FASTKD1: variants seen among roughly 807,000 people sequenced by gnomAD.
The protein encoded by FASTKD1 is FAST kinase domain-containing protein 1, mitochondrial.
In FASTKD1, 94 loss-of-function variants were observed where a neutral mutation model predicts 90.9. That is an observed-to-expected ratio of 1.03 (90% CI 0.88 to 1.23). FASTKD1 has a LOEUF of 1.23. FASTKD1 is among the 50% of genes most tolerant of loss of function. The pLI, the probability that FASTKD1 is intolerant of heterozygous loss-of-function variation, is 0.00. For missense variants in FASTKD1, 945 were observed against 993.5 expected, an observed-to-expected ratio of 0.95 and a Z score of 0.66; for synonymous variants, 319 against 345.8, an observed-to-expected ratio of 0.92 and a Z score of 0.86.
intron 5 of FASTKD1, 197 bp downstream of exon 5, chr2:169,560,190 A>G: frequency 2.8e-6 from 1 of 354,936 alleles, no homozygotes; most frequent in Non-Finnish European, 5.1e-6. Flanking sequence ...CTTTCAGAAC[A>G]CAGCAACAGA....
chr2:169,531,019 T>C lies in FASTKD1; in HGVS notation c.2328-318A>G, dbSNP rs769844505. 6 of 663,314 alleles carry C rather than the reference T, an allele frequency of 9.0e-6. No homozygotes were observed. In the East Asian group the frequency reaches 1.3e-4, roughly 14 times the overall value. The allele number at this position is 663,314 out of a possible 1,614,324, so 41.1% of individuals were successfully genotyped here. On this transcript the variant is annotated intron_variant, in intron 13 of 14. Transcript: ENST00000453153. ...AGCTTATAGTCTAACAGAGAACACATGATGTATAGTAAGTTACTGTAATGC... is the reference window on the plus strand; with the variant it reads ...AGCTTATAGTCTAACAGAGAACACACGATGTATAGTAAGTTACTGTAATGC...
intron 3 of FASTKD1, among the ~76,000 whole-genome samples, chr2:169,568,091 A>G (rs1684063550): frequency 2.0e-5 from 3 of 152,176 alleles, no homozygotes; most frequent in African/African-American, 7.2e-5. Context: ...AATATAGGAA[A>G]TATATCTGAA....
At chr2:169,560,836 A>C (rs755701602) in intron 4 of FASTKD1, 51 bp from the exon 5 acceptor site, 1 of 755,062 alleles carries the variant, frequency 1.3e-6, no homozygotes, top group Non-Finnish European at 1.8e-6. Context: ...AGAATGATCA[A>C]TTCTTTTTTT....
At chr2:169,569,800 G>A (rs1057020855) in intron 2 of FASTKD1, among the ~76,000 whole-genome samples, 3 of 152,176 alleles carry the variant, frequency 2.0e-5, no homozygotes, top group African/African-American at 7.2e-5. Flanking sequence ...GCAGAGAGCC[G>A]AGACTGCACC....
In FASTKD1 at chr2:169,566,573, G is replaced by A. The variant is rs564377307; in HGVS notation, c.446+2611C>T. Among the ~76,000 whole-genome samples the A allele has an allele frequency of 1.4e-4, 22 of 152,184 alleles. No individual in the cohort carries two copies. The South Asian group carries it at 4.2e-3, about 29-fold the overall frequency. The stretch of plus-strand genomic sequence containing the variant: ...CTAAAAATATAAAAATTAGCTGGGC[G>A]TGGTGGCATCCACCTGTGGTCCCAG... On this transcript the variant is annotated intron_variant, in intron 3 of 14. Transcript: ENST00000453153.
At chr2:169,572,813 A>G (rs1316588865) in intron 1 of FASTKD1, among the ~76,000 whole-genome samples, 1 of 152,170 alleles carries the variant, frequency 6.6e-6, no homozygotes, top group Admixed American at 6.5e-5. Context: ...AAAAGAACTA[A>G]AGATAATTAT....
intron 7 of FASTKD1, among the ~76,000 whole-genome samples, chr2:169,547,092 A>G (rs577925369): frequency 4.0e-4 from 61 of 152,322 alleles, no homozygotes; most frequent in African/African-American, 1.3e-3. Context: ...TGGGTTTCCC[A>G]TGACCTCCTC....
intron 4 of FASTKD1, among the ~76,000 whole-genome samples, chr2:169,562,496 G>T (rs1248632980): frequency 6.6e-6 from 1 of 152,082 alleles, no homozygotes; most frequent in Non-Finnish European, 1.5e-5. Flanking sequence ...GCCTCCCAAA[G>T]TGCTGGGATT....
intron 7 of FASTKD1, among the ~76,000 whole-genome samples, chr2:169,553,292 C>G (rs62171312): frequency 2.2e-5 from 1 of 45,476 alleles, no homozygotes; most frequent in Non-Finnish European, 4.8e-5. Context: ...AAAAAAAACC[C>G]ACTGTGCAGA....
In FASTKD1 at chr2:169,571,685, A is replaced by T; in HGVS notation, c.345T>A (p.Asp115Glu). ...ATNKFKLMND[D>E]TLVNVLYVTQ... Reference sequence around the variant, plus strand: ...TGACGTATAACACATTCACCAGGGTATCGTCATTCATTAATTTGAATTTAT... The same window carrying T: ...TGACGTATAACACATTCACCAGGGTTTCGTCATTCATTAATTTGAATTTAT... Residue 115 changes from aspartate to glutamate, a missense_variant, in exon 2 of 15, where the codon GAT (aspartate) becomes GAA (glutamate). By Grantham distance (45) the Asp-to-Glu change is conservative. Transcript: ENST00000453153. 1 of 1,609,362 alleles carries T rather than the reference A, an allele frequency of 6.2e-7. No individual in the cohort carries two copies. The highest frequency in any genetic ancestry group is 1.1e-5 in the South Asian group (1 of 90,832).
intron 3 of FASTKD1, among the ~76,000 whole-genome samples, chr2:169,567,957 C>T (rs1486553364): frequency 6.6e-6 from 1 of 152,140 alleles, no homozygotes; most frequent in Non-Finnish European, 1.5e-5. Context: ...ATTATCTCAG[C>T]CCTTTTATAA....
intron 7 of FASTKD1, among the ~76,000 whole-genome samples, chr2:169,547,341 C>T (rs1685251268): frequency 6.6e-6 from 1 of 152,152 alleles, no homozygotes; most frequent in Non-Finnish European, 1.5e-5. Context: ...TTTTTATGAG[C>T]TTCGTGACAT....
At position 169,529,930 on chromosome 2, in the gene FASTKD1, A is replaced by G. The variant is rs1684407171; in HGVS notation, c.2443-4T>C. 1.9e-6 allele frequency: 3 copies of G among 1,596,842 alleles called. No individual in the cohort carries two copies. The East Asian group carries it at 6.7e-5, about 36-fold the overall frequency. Reference sequence around the variant, plus strand: ...AGTTCCATTCAAACTGGGAAATCTGAAAATAAGTAATGTTGTTTGAATGAA... The same window carrying G: ...AGTTCCATTCAAACTGGGAAATCTGGAAATAAGTAATGTTGTTTGAATGAA... On this transcript the variant is annotated splice_region_variant and splice_polypyrimidine_tract_variant and intron_variant, in intron 14 of 14. Coordinates refer to ENST00000453153, the MANE Select transcript of FASTKD1 (RefSeq NM_024622.6).
chr2:169,565,197 C>T (rs150582433), intron 3 of FASTKD1, among the ~76,000 whole-genome samples: 11,245 of 148,650 alleles, frequency 0.076, 575 homozygotes, highest in Middle Eastern at 0.18. Flanking sequence ...GTAATCAGCC[C>T]GCCTCGGCCT....
intron 6 of FASTKD1, 46 bp from the exon 7 acceptor site, chr2:169,555,301 A>G: frequency 6.6e-7 from 1 of 1,523,056 alleles, no homozygotes; most frequent in East Asian, 2.3e-5. Flanking sequence ...TTCATTTATT[A>G]CACATTTACT....
intron 10 of FASTKD1, 84 bp from the exon 11 acceptor site, chr2:169,538,225 C>G (rs1684810762): frequency 9.0e-7 from 1 of 1,110,256 alleles, no homozygotes; most frequent in Admixed American, 2.3e-5. Flanking sequence ...TTTATCCCCA[C>G]TATTAGTAGA....
At position 169,537,326 on chromosome 2, in the gene FASTKD1, C is replaced by A; in HGVS notation, c.2089G>T (p.Asp697Tyr). The A allele has an allele frequency of 6.2e-7, 1 of 1,600,172 alleles. No individual in the cohort carries two copies. The highest frequency in any genetic ancestry group is 1.7e-5 in the Admixed American group (1 of 59,934). Residue 697 changes from aspartate to tyrosine, a missense_variant, in exon 12 of 15, where the codon GAT (aspartate) becomes TAT (tyrosine). Physicochemically the swap from Asp to Tyr is radical, Grantham distance 160. Transcript: ENST00000453153. ...TTAAAAATCTGCTGTTGTGTTCCATCCATGCCACCAATACCTTTATAAAAA... is the reference window on the plus strand; with the variant it reads ...TTAAAAATCTGCTGTTGTGTTCCATACATGCCACCAATACCTTTATAAAAA... ...QQYNKGIGGMDGTQQQIFKML... is the reference protein window; with the variant it reads ...QQYNKGIGGMYGTQQQIFKML...
chr2:169,529,759 G>A lies in FASTKD1; in HGVS notation c.*66C>T, dbSNP rs1684394733. ...GGACATTTGTACCTATTTTTTAATT[G>A]AGACAGGCCACTTTATTAAAATAGG... On this transcript the variant is annotated 3_prime_UTR_variant, in exon 15 of 15. Coordinates refer to ENST00000453153, the MANE Select transcript of FASTKD1 (RefSeq NM_024622.6). The A allele has an allele frequency of 2.7e-6, 3 of 1,111,804 alleles. No individual in the cohort carries two copies. In the South Asian group the frequency reaches 4.4e-5, roughly 16 times the overall value. 68.9% of individuals were successfully genotyped at this position (1,111,804 alleles called of 1,614,324 possible).
intron 5 of FASTKD1, among the ~76,000 whole-genome samples, chr2:169,558,976 CTT>C (rs754092407): frequency 2.5e-4 from 35 of 137,292 alleles, no homozygotes; most frequent in Non-Finnish European, 2.7e-4. Context: ...ATTCAAAGTA[CTT>C]TTTTTTTTTT....
Sources: gnomAD v4.1 joint callset for allele counts (sites outside exome capture counted in the v4.1 genomes callset) on GRCh38, gnomAD v4.1.1 for gene constraint, MANE v1.5 for transcripts, NCBI Gene and HGNC (gene_info 2026-07-23, HGNC 2026-07-21) for gene names.